CDH13: variants seen among roughly 807,000 people sequenced by gnomAD.
The protein encoded by CDH13 is cadherin-13.
CDH13 carries 24 observed loss-of-function variants against 63.8 expected under a neutral mutation model. The observed-to-expected ratio is 0.38, with a 90% CI of 0.27 to 0.53. The LOEUF (loss-of-function observed/expected upper bound fraction) is 0.53, where lower values mean the gene tolerates loss of function less well. Among genes scored for constraint, CDH13 ranks in the 20% least tolerant of loss-of-function variants. The pLI is 0.85. For synonymous variants in CDH13, 503 were observed against 355.3 expected, an observed-to-expected ratio of 1.42 and a Z score of -4.67; for missense variants, 1,049 against 903.1, an observed-to-expected ratio of 1.16 and a Z score of -2.07.
At chr16:82,635,115 C>A (rs748075674) in intron 1 of CDH13, among the ~76,000 whole-genome samples, 3 of 152,236 alleles carry the variant, frequency 2.0e-5, no homozygotes, top group Non-Finnish European at 2.9e-5. Context: ...TGTCTTTCTC[C>A]TCCACTAGAC....
At chr16:83,385,213 G>C (rs2091649087) in intron 6 of CDH13, among the ~76,000 whole-genome samples, 2 of 152,338 alleles carry the variant, frequency 1.3e-5, no homozygotes, top group Admixed American at 6.5e-5. Flanking sequence ...TAGTCAATGA[G>C]AGAGAATCAT....
intron 6 of CDH13, among the ~76,000 whole-genome samples, chr16:83,418,173 G>A (rs1056440176): frequency 2.0e-5 from 3 of 152,094 alleles, no homozygotes; most frequent in Non-Finnish European, 4.4e-5. Flanking sequence ...GTCTTACTGT[G>A]CTACACTTTT....
chr16:83,065,892 C>T (rs1236198766), intron 3 of CDH13, among the ~76,000 whole-genome samples: 3 of 152,102 alleles, frequency 2.0e-5, no homozygotes, highest in Admixed American at 1.3e-4. Context: ...CCATGCCACA[C>T]CACTGTATAA....
At chr16:83,717,039 G>C (rs1021071838) in intron 10 of CDH13, 2 of 153,528 alleles carry the variant, frequency 1.3e-5, no homozygotes, top group Non-Finnish European at 2.9e-5. Flanking sequence ...TTGAGGTCAG[G>C]AGTTCAAGAC....
chr16:82,943,317 C>T (rs1331179366), intron 2 of CDH13, among the ~76,000 whole-genome samples: 1 of 152,076 alleles, frequency 6.6e-6, no homozygotes, highest in Non-Finnish European at 1.5e-5. Flanking sequence ...GATAGTATTG[C>T]TAGATCAGTT....
chr16:82,671,322 G>A (rs1913217595), intron 1 of CDH13, among the ~76,000 whole-genome samples: 1 of 152,118 alleles, frequency 6.6e-6, no homozygotes, highest in Non-Finnish European at 1.5e-5. Flanking sequence ...TGATTTTCCT[G>A]CTATATTATA....
intron 2 of CDH13, among the ~76,000 whole-genome samples, chr16:82,935,006 C>G (rs1477401091): frequency 6.6e-6 from 1 of 152,170 alleles, no homozygotes; most frequent in Non-Finnish European, 1.5e-5. Context: ...TTTGGGTATC[C>G]TTACGGCAGC....
At chr16:83,573,584 G>C (rs960698494) in intron 7 of CDH13, among the ~76,000 whole-genome samples, 1 of 152,036 alleles carries the variant, frequency 6.6e-6, no homozygotes, top group Admixed American at 6.5e-5. Context: ...TTAACAAAGG[G>C]GCCTATGCAC....
intron 5 of CDH13, among the ~76,000 whole-genome samples, chr16:83,277,397 G>A (rs956283486): frequency 1.3e-5 from 2 of 152,056 alleles, no homozygotes; most frequent in Non-Finnish European, 2.9e-5. Flanking sequence ...ACTGAATAAG[G>A]ATCTCTTTCT....
intron 11 of CDH13, among the ~76,000 whole-genome samples, chr16:83,765,539 TA>T (rs1189312890): frequency 5.6e-4 from 3 of 5,368 alleles, no homozygotes; most frequent in African/African-American, 1.4e-3. Context: ...AACATTTTTC[TA>T]TATATATATA....
chr16:83,194,958 G>A (rs893282900), intron 4 of CDH13, among the ~76,000 whole-genome samples: 9 of 152,234 alleles, frequency 5.9e-5, no homozygotes, highest in East Asian at 1.9e-4. Flanking sequence ...ATTTTAAAGC[G>A]AATGGTAATA....
At chr16:83,388,314 C>A (rs773339263) in intron 6 of CDH13, among the ~76,000 whole-genome samples, 15 of 150,690 alleles carry the variant, frequency 1.0e-4, no homozygotes, top group Admixed American at 1.3e-4. Context: ...GTTAGCCAGG[C>A]ATGGTGGTAA....
At chr16:83,039,469 A>T (rs565446594) in intron 3 of CDH13, among the ~76,000 whole-genome samples, 1 of 151,778 alleles carries the variant, frequency 6.6e-6, no homozygotes, top group South Asian at 2.1e-4. Context: ...TACTGGTCTC[A>T]CTCTTGGCAT....
Position 83,209,144 on chromosome 16 carries a change from C to T in CDH13, c.484-8201C>T, listed in dbSNP as rs1416853002. On this transcript the variant is annotated intron_variant, in intron 4 of 13. Coordinates refer to ENST00000567109, the MANE Select transcript of CDH13 (RefSeq NM_001257.5). ...TCCATACAGGGGAATCCAGTGGTGG[C>T]AGGCTGAACAGGAGAACCACAACCA... 6.6e-5 allele frequency among the ~76,000 whole-genome samples: 10 copies of T among 152,138 alleles called. No individual in the cohort carries two copies. The East Asian group carries it at 1.9e-3, about 29-fold the overall frequency.
chr16:83,014,800 A>ATGTT (rs1405140123), intron 2 of CDH13, among the ~76,000 whole-genome samples: 1 of 58,468 alleles, frequency 1.7e-5, no homozygotes, highest in Non-Finnish European at 3.3e-5. Context: ...TTGTATATAT[A>ATGTT]TATGTATATA....
At chr16:83,187,383 C>G (rs1024108690) in intron 4 of CDH13, among the ~76,000 whole-genome samples, 11 of 152,128 alleles carry the variant, frequency 7.2e-5, no homozygotes, top group African/African-American at 2.7e-4. Context: ...TGAATCCTCT[C>G]AAATGCCAGC....
chr16:83,114,663 C>A (rs555957121), intron 3 of CDH13, among the ~76,000 whole-genome samples: 1 of 152,276 alleles, frequency 6.6e-6, no homozygotes, highest in South Asian at 2.1e-4. Flanking sequence ...AAAATAGATA[C>A]ATGGAAATTT....
chr16:82,958,375 A>G (rs1227001172), intron 2 of CDH13, among the ~76,000 whole-genome samples: 3 of 152,238 alleles, frequency 2.0e-5, no homozygotes, highest in East Asian at 1.9e-4. Context: ...CAGTAGGGGT[A>G]AAAAGGAGAG....
At chr16:83,278,101 A>G (rs968850768) in intron 5 of CDH13, among the ~76,000 whole-genome samples, 2 of 152,174 alleles carry the variant, frequency 1.3e-5, no homozygotes, top group Non-Finnish European at 2.9e-5. Context: ...ATCAGGCGCT[A>G]AGTATTGCTT....
Sources: allele counts gnomAD v4.1 joint callset (sites outside exome capture counted in the v4.1 genomes callset), GRCh38; gene constraint gnomAD v4.1.1; transcripts MANE v1.5; gene names NCBI Gene and HGNC (gene_info 2026-07-23, HGNC 2026-07-21).